Variants in ERI3 observed in about 807,000 individuals in gnomAD.
The protein encoded by ERI3 is ERI1 exoribonuclease 3.
A neutral mutation model predicts 44.4 loss-of-function variants in ERI3; 18 were observed. The ratio of observed to expected loss-of-function variants is 0.41; its 90% confidence interval spans 0.28 to 0.60. The LOEUF (loss-of-function observed/expected upper bound fraction) is 0.60, where lower values mean the gene tolerates loss of function less well. Among genes scored for constraint, ERI3 ranks in the 20% least tolerant of loss-of-function variants. The pLI, the probability that ERI3 is intolerant of heterozygous loss-of-function variation, is 0.36. For missense variants in ERI3, 294 were observed against 435.5 expected, an observed-to-expected ratio of 0.68 and a Z score of 2.89; for synonymous variants, 183 against 164.8, an observed-to-expected ratio of 1.11 and a Z score of -0.84.
intron 7 of ERI3, among the ~76,000 whole-genome samples, chr1:44,272,855 A>AT (rs1182775286): frequency 1.7e-5 from 2 of 116,198 alleles, no homozygotes; most frequent in East Asian, 4.2e-4. Flanking sequence ...ATAAAATAAA[A>AT]TAAAATAAAA....
chr1:44,266,865 G>A (rs1398166090), intron 7 of ERI3, among the ~76,000 whole-genome samples: 2 of 152,164 alleles, frequency 1.3e-5, no homozygotes, highest in Non-Finnish European at 2.9e-5. Context: ...TTTGGCACAG[G>A]GCAGGTCCTC....
At chr1:44,260,031 G>A (rs1293340248) in intron 7 of ERI3, among the ~76,000 whole-genome samples, 1 of 152,076 alleles carries the variant, frequency 6.6e-6, no homozygotes, top group Non-Finnish European at 1.5e-5. Flanking sequence ...CAAGATAATA[G>A]ATCCTTCTAG....
intron 2 of ERI3, among the ~76,000 whole-genome samples, chr1:44,348,416 G>A (rs1646826849): frequency 6.6e-6 from 1 of 152,184 alleles, no homozygotes; most frequent in South Asian, 2.1e-4. Flanking sequence ...GACACAGAGG[G>A]TCTGAACAGG....
intron 3 of ERI3, among the ~76,000 whole-genome samples, chr1:44,324,813 C>A (rs1416530218): frequency 6.6e-6 from 1 of 152,136 alleles, no homozygotes; most frequent in Non-Finnish European, 1.5e-5. Context: ...CACTGAAACA[C>A]CATTCACAAA....
chr1:44,314,802 G>A (rs1396151907), intron 4 of ERI3, among the ~76,000 whole-genome samples: 1 of 152,284 alleles, frequency 6.6e-6, no homozygotes, highest in South Asian at 2.1e-4. Flanking sequence ...CTAGAGATCC[G>A]GCAGTGAAGA....
rs1646979020 is a variant in ERI3 at position 44,355,242 on chromosome 1, C to T, written c.-216G>A. The stretch of plus-strand genomic sequence containing the variant: ...ACAGCGGCAGCCAGCACCACGAGTC[C>T]ACAACACACCGACTCACCTCCGCGC... On this transcript the variant is annotated 5_prime_UTR_variant, in exon 1 of 9. Coordinates refer to ENST00000372257, the MANE Select transcript of ERI3 (RefSeq NM_024066.3). 6 of 1,176,336 alleles carry T rather than the reference C, an allele frequency of 5.1e-6. No individual in the cohort carries two copies. The highest frequency in any genetic ancestry group is 8.7e-5 in the South Asian group (2 of 23,068). 72.9% of individuals were successfully genotyped at this position (1,176,336 alleles called of 1,614,324 possible).
At chr1:44,231,626 A>G (rs1644186396) in intron 8 of ERI3, among the ~76,000 whole-genome samples, 1 of 152,100 alleles carries the variant, frequency 6.6e-6, no homozygotes, top group Non-Finnish European at 1.5e-5. Context: ...GATTATAGAC[A>G]TGAGCCATTG....
chr1:44,270,633 TA>T (rs1434016490), intron 7 of ERI3, among the ~76,000 whole-genome samples: 2 of 152,304 alleles, frequency 1.3e-5, no homozygotes, highest in East Asian at 3.9e-4. Context: ...GGACTAGGAC[TA>T]AGAGGCTGCC....
intron 3 of ERI3, among the ~76,000 whole-genome samples, chr1:44,338,444 G>C (rs148367781): frequency 1.3e-5 from 2 of 152,204 alleles, no homozygotes; most frequent in Non-Finnish European, 2.9e-5. Context: ...TTTTGGCTAA[G>C]AGCCTCAGTT....
chr1:44,268,172 T>C (rs942100479), intron 7 of ERI3, among the ~76,000 whole-genome samples: 1 of 152,242 alleles, frequency 6.6e-6, no homozygotes, highest in Non-Finnish European at 1.5e-5. Flanking sequence ...TTCCCCCATC[T>C]GCCTATTGAC....
chr1:44,351,885 G>A (rs1003685995), intron 2 of ERI3, among the ~76,000 whole-genome samples: 1 of 151,924 alleles, frequency 6.6e-6, no homozygotes, highest in African/African-American at 2.4e-5. Flanking sequence ...TCTATGTGAG[G>A]AGGTTTACTT....
At chr1:44,222,613 G>A (rs902310294) in intron 8 of ERI3, among the ~76,000 whole-genome samples, 1 of 152,150 alleles carries the variant, frequency 6.6e-6, no homozygotes, top group Non-Finnish European at 1.5e-5. Flanking sequence ...AGCAGCAGGA[G>A]GTGCACCTGC....
intron 8 of ERI3, among the ~76,000 whole-genome samples, chr1:44,230,902 C>A (rs1464084571): frequency 1.3e-5 from 2 of 152,238 alleles, no homozygotes; most frequent in Admixed American, 1.3e-4. Flanking sequence ...ATATTAAATC[C>A]AAATATCCCT....
At chr1:44,288,184 T>C (rs1037248014) in intron 6 of ERI3, among the ~76,000 whole-genome samples, 4 of 152,190 alleles carry the variant, frequency 2.6e-5, no homozygotes, top group African/African-American at 9.7e-5. Context: ...GCCTGAGATA[T>C]GGCTCAGCAG....
At chr1:44,330,579 T>C (rs1346625976) in intron 3 of ERI3, among the ~76,000 whole-genome samples, 1 of 152,326 alleles carries the variant, frequency 6.6e-6, no homozygotes, top group East Asian at 1.9e-4. Flanking sequence ...CATCAATACA[T>C]ATAAACGCTT....
chr1:44,346,415 C>T (rs1646783987), intron 2 of ERI3, among the ~76,000 whole-genome samples: 1 of 152,230 alleles, frequency 6.6e-6, no homozygotes, highest in African/African-American at 2.4e-5. Flanking sequence ...TGTTTGCTAA[C>T]CCAGCAGCCA....
At chr1:44,312,764 G>A (rs530966604) in intron 5 of ERI3, among the ~76,000 whole-genome samples, 44 of 152,284 alleles carry the variant, frequency 2.9e-4, no homozygotes, top group African/African-American at 1.0e-3. Flanking sequence ...TTAATGAAGT[G>A]CTCACATGCC....
intron 6 of ERI3, among the ~76,000 whole-genome samples, chr1:44,288,639 A>C (rs1645441650): frequency 6.6e-6 from 1 of 152,232 alleles, no homozygotes; most frequent in Non-Finnish European, 1.5e-5. Flanking sequence ...GGGTAGTACC[A>C]GAAACAGAAC....
At chr1:44,329,285 C>T (rs1646381197) in intron 3 of ERI3, among the ~76,000 whole-genome samples, 1 of 152,206 alleles carries the variant, frequency 6.6e-6, no homozygotes, top group Non-Finnish European at 1.5e-5. Context: ...AGAATTCCTG[C>T]ATATCCTAAG....
Sources: allele counts gnomAD v4.1 joint callset (sites outside exome capture counted in the v4.1 genomes callset), GRCh38; gene constraint gnomAD v4.1.1; transcripts MANE v1.5; gene names NCBI Gene and HGNC (gene_info 2026-07-23, HGNC 2026-07-21).